LRP1B: variants seen among roughly 807,000 people sequenced by gnomAD.
The protein encoded by LRP1B is low-density lipoprotein receptor-related protein 1B.
In LRP1B, 217 loss-of-function variants were observed where a neutral mutation model predicts 556.6. The observed-to-expected ratio is 0.39, with a 90% CI of 0.35 to 0.44. The LOEUF is 0.44. Among genes scored for constraint, LRP1B ranks in the 20% least tolerant of loss-of-function variants. LRP1B has a pLI of 1.00. For missense variants in LRP1B, 5,053 were observed against 5,620.8 expected, an observed-to-expected ratio of 0.90 and a Z score of 3.23; for synonymous variants, 2,047 against 1,865.8, an observed-to-expected ratio of 1.10 and a Z score of -2.50.
intron 1 of LRP1B, among the ~76,000 whole-genome samples, chr2:141,977,061 G>A (rs1558998580): frequency 6.6e-6 from 1 of 151,992 alleles, no homozygotes; most frequent in Non-Finnish European, 1.5e-5. Context: ...CGAATGACTT[G>A]GTGGTAAAAA....
chr2:141,150,293 T>G (rs1392423143), intron 7 of LRP1B, among the ~76,000 whole-genome samples: 1 of 152,218 alleles, frequency 6.6e-6, no homozygotes, highest in African/African-American at 2.4e-5. Context: ...GATACATTGT[T>G]TATTCTGATC....
chr2:141,204,871 G>T (rs1682203364), intron 6 of LRP1B, among the ~76,000 whole-genome samples: 2 of 151,832 alleles, frequency 1.3e-5, no homozygotes, highest in South Asian at 4.2e-4. Flanking sequence ...CAAGAGGTGG[G>T]GTTTGCAGTG....
chr2:140,624,081 A>G (rs765886045), intron 41 of LRP1B, among the ~76,000 whole-genome samples: 42 of 151,532 alleles, frequency 2.8e-4, no homozygotes, highest in Non-Finnish European at 4.3e-4. Context: ...ATACAATGTA[A>G]TTCTCTAGCA....
intron 1 of LRP1B, among the ~76,000 whole-genome samples, chr2:141,890,687 T>G (rs6429928): frequency 0.85 from 129,579 of 151,796 alleles, 55,577 homozygotes; most frequent in East Asian, 1. Context: ...ATGCTAAATT[T>G]ATTATGTAAT....
At chr2:141,777,120 G>A (rs1034619616) in intron 2 of LRP1B, among the ~76,000 whole-genome samples, 1 of 152,186 alleles carries the variant, frequency 6.6e-6, no homozygotes, top group African/African-American at 2.4e-5. Flanking sequence ...AGACTTTGGA[G>A]TAGCAGAGGC....
intron 3 of LRP1B, among the ~76,000 whole-genome samples, chr2:141,424,804 C>T (rs1680292874): frequency 6.6e-6 from 1 of 152,262 alleles, no homozygotes; most frequent in East Asian, 1.9e-4. Flanking sequence ...CAGTAATTTA[C>T]TCAATGCACA....
chr2:141,911,255 C>A (rs1699900798), intron 1 of LRP1B, among the ~76,000 whole-genome samples: 3 of 152,152 alleles, frequency 2.0e-5, no homozygotes, highest in African/African-American at 7.2e-5. Flanking sequence ...ACATTTAATG[C>A]AATCTCTCTT....
intron 6 of LRP1B, among the ~76,000 whole-genome samples, chr2:141,219,853 G>A (rs1361050379): frequency 1.3e-5 from 2 of 151,990 alleles, no homozygotes; most frequent in African/African-American, 4.8e-5. Context: ...CAGAAGATGG[G>A]CCTGATTGCC....
intron 29 of LRP1B, among the ~76,000 whole-genome samples, chr2:140,843,955 A>T (rs1291005957): frequency 6.6e-6 from 1 of 152,240 alleles, no homozygotes; most frequent in Non-Finnish European, 1.5e-5. Flanking sequence ...GAATTCATGA[A>T]CTATAAAATC....
intron 1 of LRP1B, among the ~76,000 whole-genome samples, chr2:142,109,305 G>A (rs1706877143): frequency 1.3e-5 from 2 of 152,126 alleles, no homozygotes; most frequent in South Asian, 2.1e-4. Flanking sequence ...GATTGTTATA[G>A]CTTAATGAGT....
chr2:141,342,218 A>T (rs758549407), intron 3 of LRP1B, among the ~76,000 whole-genome samples: 1 of 148,566 alleles, frequency 6.7e-6, no homozygotes, highest in Non-Finnish European at 1.5e-5. Flanking sequence ...CACTCCAGCC[A>T]GGGTGACAGA....
intron 1 of LRP1B, among the ~76,000 whole-genome samples, chr2:141,968,206 T>C (rs1381749252): frequency 1.3e-5 from 2 of 151,816 alleles, no homozygotes; most frequent in Non-Finnish European, 2.9e-5. Context: ...ACTTGGTGGA[T>C]GATCTAACAA....
At chr2:141,168,282 A>G (rs538937008) in intron 7 of LRP1B, among the ~76,000 whole-genome samples, 1 of 152,058 alleles carries the variant, frequency 6.6e-6, no homozygotes, top group Non-Finnish European at 1.5e-5. Context: ...GCCTGTATCT[A>G]TTGTAAATGA....
chr2:141,756,544 TACACACACAC>T (rs35271250), intron 2 of LRP1B, among the ~76,000 whole-genome samples: 35,872 of 143,380 alleles, frequency 0.25, 4,766 homozygotes, highest in Non-Finnish European at 0.31. Flanking sequence ...TCTCTCAAAT[TACACACACAC>T]ACACACACAC....
chr2:140,671,133 A>G (rs544942760), intron 41 of LRP1B, among the ~76,000 whole-genome samples: 3 of 152,346 alleles, frequency 2.0e-5, no homozygotes, highest in South Asian at 2.1e-4. Flanking sequence ...TTATTTTACA[A>G]TTATAAAGGT....
In LRP1B at chr2:140,959,730, C is replaced by T. The variant is rs959414032; in HGVS notation, c.2888-7790G>A. ...AAGACTTTACTTCAGGAAATTTCAG[C>T]CTTTTATTTTTAGTGTGCCTACAAC... On this transcript the variant is annotated intron_variant, in intron 18 of 90. Coordinates refer to ENST00000389484, the MANE Select transcript of LRP1B (RefSeq NM_018557.3). Among the ~76,000 whole-genome samples the T allele has an allele frequency of 4.0e-5, 6 of 151,608 alleles. No homozygotes were observed. The East Asian group carries it at 1.2e-3, about 29-fold the overall frequency.
At chr2:140,540,239 G>A (rs1334464000) in intron 45 of LRP1B, among the ~76,000 whole-genome samples, 1 of 152,066 alleles carries the variant, frequency 6.6e-6, no homozygotes, top group Non-Finnish European at 1.5e-5. Context: ...GACACATCCT[G>A]AGAATGATTT....
At chr2:140,675,289 A>G (rs1167720887) in intron 41 of LRP1B, among the ~76,000 whole-genome samples, 2 of 152,246 alleles carry the variant, frequency 1.3e-5, no homozygotes, top group East Asian at 3.9e-4. Flanking sequence ...TTAAGTTGAC[A>G]TATAAAACTG....
At chr2:141,685,720 A>T (rs1691270091) in intron 2 of LRP1B, among the ~76,000 whole-genome samples, 1 of 152,086 alleles carries the variant, frequency 6.6e-6, no homozygotes, top group African/African-American at 2.4e-5. Context: ...GCACAAGCCA[A>T]GGAATGCTGG....
Sources: allele counts gnomAD v4.1 joint callset (sites outside exome capture counted in the v4.1 genomes callset), GRCh38; gene constraint gnomAD v4.1.1; transcripts MANE v1.5; gene names NCBI Gene and HGNC (gene_info 2026-07-23, HGNC 2026-07-21).